Variants in MEGF9 observed in about 807,000 individuals in gnomAD.
MEGF9 encodes multiple EGF like domains 9.
In MEGF9, 6 loss-of-function variants were observed where a neutral mutation model predicts 46.8. The observed-to-expected ratio is 0.13, with a 90% CI of 0.07 to 0.25. MEGF9 has a LOEUF of 0.25. Among genes scored for constraint, MEGF9 ranks in the 10% least tolerant of loss-of-function variants. The pLI, the probability that MEGF9 is intolerant of heterozygous loss-of-function variation, is 1.00. For missense variants in MEGF9, 683 were observed against 792.4 expected, an observed-to-expected ratio of 0.86 and a Z score of 1.66; for synonymous variants, 302 against 330.7, an observed-to-expected ratio of 0.91 and a Z score of 0.94.
rs953608526 is a variant in MEGF9 at position 120,615,187 on chromosome 9, C to T, written c.944-2648G>A. Among the ~76,000 whole-genome samples, 3 of 150,366 alleles carry T rather than the reference C, an allele frequency of 2.0e-5. No homozygotes were observed. In the East Asian group the frequency reaches 5.9e-4, roughly 30 times the overall value. ...CCGGAAAGCAGAGGTTGTGGTGAGC[C>T]GAGATCACACAATTGCAATCCAGCC... is the stretch of plus-strand genomic sequence containing the variant. On this transcript the variant is annotated intron_variant, in intron 3 of 5. Transcript: ENST00000373930.
At chr9:120,702,770 G>C (rs879927223) in intron 1 of MEGF9, among the ~76,000 whole-genome samples, 3 of 152,098 alleles carry the variant, frequency 2.0e-5, no homozygotes, top group Non-Finnish European at 4.4e-5. Context: ...GGTGTGAAAG[G>C]TCCAGAAGTA....
chr9:120,685,626 G>A (rs1274968137), intron 1 of MEGF9, among the ~76,000 whole-genome samples: 2 of 152,122 alleles, frequency 1.3e-5, no homozygotes, highest in Admixed American at 6.5e-5. Flanking sequence ...CAGTCTTGGT[G>A]GAAGTGTAAA....
chr9:120,712,174 C>G (rs1176948653), intron 1 of MEGF9, among the ~76,000 whole-genome samples: 2 of 152,138 alleles, frequency 1.3e-5, no homozygotes, highest in Non-Finnish European at 2.9e-5. Flanking sequence ...GGGAGGATCG[C>G]TTGAGCCTGG....
chr9:120,702,198 T>C (rs1157355423), intron 1 of MEGF9, among the ~76,000 whole-genome samples: 1 of 152,220 alleles, frequency 6.6e-6, no homozygotes, highest in African/African-American at 2.4e-5. Flanking sequence ...CTACTGTATG[T>C]TCAAGATTTG....
chr9:120,687,560 T>C (rs2043828241), intron 1 of MEGF9, among the ~76,000 whole-genome samples: 1 of 151,828 alleles, frequency 6.6e-6, no homozygotes, highest in Admixed American at 6.6e-5. Flanking sequence ...ACAGCAAACT[T>C]GATAAAGCAG....
intron 2 of MEGF9, among the ~76,000 whole-genome samples, chr9:120,634,446 C>CG (rs2043564658): frequency 2.1e-5 from 1 of 46,908 alleles, no homozygotes; most frequent in East Asian, 5.7e-4. Context: ...TGTGGAATAT[C>CG]TTTTTTTTTT....
rs1325998408 is a variant in MEGF9 at position 120,605,548 on chromosome 9, A to G, written c.1451T>C (p.Phe484Ser). 1.9e-6 allele frequency: 3 copies of G among 1,612,172 alleles called. No individual in the cohort carries two copies. The highest frequency in any genetic ancestry group is 2.5e-6 in the Non-Finnish European group (3 of 1,178,910). The stretch of plus-strand genomic sequence containing the variant: ...GATAGTCTGCAGGGTTGTAGGGGTA[A>G]AAGTACTATTTATAACAGGGGTGGG... ...SVPTPVINST[F>S]TPTTLQTIFS... Residue 484 changes from phenylalanine (F) to serine (S), a missense_variant, in exon 6 of 6, where the codon TTT becomes TCT. Around this residue, in one of 2 missense-constraint regions of MEGF9, gnomAD observed 313 missense variants for 421.1 expected, o/e 0.74. Transcript: ENST00000373930. This position sits in a 1 kb window ranked among gnomAD's most constrained non-coding sequence, Gnocchi z 4.0.
chr9:120,677,787 C>G (rs1390047752), intron 1 of MEGF9, among the ~76,000 whole-genome samples: 1 of 152,184 alleles, frequency 6.6e-6, no homozygotes, highest in Non-Finnish European at 1.5e-5. Flanking sequence ...TTTTGTGCCA[C>G]CACTTTTCCA....
At chr9:120,609,457 C>G (rs2043434891) in intron 4 of MEGF9, among the ~76,000 whole-genome samples, 1 of 152,142 alleles carries the variant, frequency 6.6e-6, no homozygotes, top group Non-Finnish European at 1.5e-5. Context: ...ATTGTAATTA[C>G]CTAGTTACTT....
rs1295115344 is a variant in MEGF9 at position 120,661,442 on chromosome 9, G to C, written c.602-1867C>G. Among the ~76,000 whole-genome samples, 5 of 152,330 alleles carry C rather than the reference G, an allele frequency of 3.3e-5. No individual in the cohort carries two copies. The East Asian group carries it at 9.6e-4, about 29-fold the overall frequency. On this transcript the variant is annotated intron_variant, in intron 1 of 5. Transcript: ENST00000373930. ...TGAGGTGGGAGGATCGCTTGAGCCT[G>C]GGAGGCTGAGGTTACAGTGAGCCAA...
chr9:120,691,655 C>T (rs2043849172), intron 1 of MEGF9, among the ~76,000 whole-genome samples: 2 of 152,276 alleles, frequency 1.3e-5, no homozygotes, highest in South Asian at 2.1e-4. Context: ...TTTCCCTGTG[C>T]TTTCACTGTT....
chr9:120,643,540 G>T (rs2043612019), intron 2 of MEGF9, among the ~76,000 whole-genome samples: 1 of 151,812 alleles, frequency 6.6e-6, no homozygotes, highest in African/African-American at 2.4e-5. Flanking sequence ...GACCAACTTT[G>T]CCCTCAAATA....
intron 3 of MEGF9, among the ~76,000 whole-genome samples, chr9:120,620,948 T>C (rs1205807941): frequency 6.6e-6 from 1 of 152,222 alleles, no homozygotes; most frequent in Non-Finnish European, 1.5e-5. Context: ...AGGGTACTTT[T>C]GACTTCAAGT....
chr9:120,684,628 G>C (rs1467187278), intron 1 of MEGF9, among the ~76,000 whole-genome samples: 1 of 152,116 alleles, frequency 6.6e-6, no homozygotes, highest in African/African-American at 2.4e-5. Context: ...AAGCATTTGA[G>C]TAACATTTTA....
chr9:120,691,330 G>C (rs1167303037), intron 1 of MEGF9: 1 of 342,692 alleles, frequency 2.9e-6, no homozygotes, highest in Non-Finnish European at 6.0e-6. Context: ...AGAGATATGA[G>C]AAAGGTCATA....
chr9:120,637,395 C>G (rs779123824), intron 2 of MEGF9, among the ~76,000 whole-genome samples: 3 of 150,598 alleles, frequency 2.0e-5, no homozygotes, highest in Non-Finnish European at 4.4e-5. Context: ...TTCCCCCTCT[C>G]GAGAAACACC....
intron 2 of MEGF9, among the ~76,000 whole-genome samples, chr9:120,643,384 G>A (rs926610198): frequency 7.9e-5 from 12 of 152,090 alleles, no homozygotes; most frequent in African/African-American, 2.9e-4. Flanking sequence ...TTAAACTGCA[G>A]AGAAAAAAGA....
chr9:120,629,726 G>A (rs2043542306), intron 2 of MEGF9, among the ~76,000 whole-genome samples: 1 of 152,058 alleles, frequency 6.6e-6, no homozygotes. Flanking sequence ...CTGAGGTCAG[G>A]AGTTCAAGAC....
At position 120,603,449 on chromosome 9, in the gene MEGF9, C is replaced by T. The variant is rs1040421983; in HGVS notation, c.*1741G>A. The T allele has an allele frequency of 6.6e-6, 1 of 152,242 alleles. No individual in the cohort carries two copies. The highest frequency in any genetic ancestry group is 2.4e-5 in the African/African-American group (1 of 41,464). 9.4% of individuals were successfully genotyped at this position (152,242 alleles called of 1,614,324 possible). On this transcript the variant is annotated 3_prime_UTR_variant, in exon 6 of 6. Coordinates refer to ENST00000373930, the MANE Select transcript of MEGF9 (RefSeq NM_001080497.3). The stretch of plus-strand genomic sequence containing the variant: ...TTATTTGCTTGTACTCCCTCCAGAA[C>T]ATCATCTCCAAACCCTGAGAACAAC...
Sources: gnomAD v4.1 joint callset for allele counts (sites outside exome capture counted in the v4.1 genomes callset) on GRCh38, gnomAD v4.1.1 for gene constraint, gnomAD v4.1.1 regional missense constraint, Gnocchi (gnomAD v3.1) non-coding constraint, MANE v1.5 for transcripts, NCBI Gene and HGNC (gene_info 2026-07-23, HGNC 2026-07-21) for gene names.